RAPH1: variants seen among roughly 807,000 people sequenced by gnomAD.
RAPH1 encodes Ras association (RalGDS/AF-6) and pleckstrin homology domains 1.
Under a neutral mutation model 88.1 loss-of-function variants are expected in RAPH1, and 18 were observed. That is an observed-to-expected ratio of 0.20 (90% CI 0.14 to 0.30). The LOEUF (loss-of-function observed/expected upper bound fraction) is 0.30, where lower values mean the gene tolerates loss of function less well. Ranked by LOEUF, RAPH1 falls within the 10% of genes least tolerant of loss-of-function variation. The pLI, the probability that RAPH1 is intolerant of heterozygous loss-of-function variation, is 1.00. For synonymous variants in RAPH1, 587 were observed against 559.0 expected (o/e 1.05, Z -0.71); for missense variants, 1,448 against 1,543.2 (o/e 0.94, Z 1.03).
At chr2:203,507,649 T>C (rs527514162) in intron 1 of RAPH1, among the ~76,000 whole-genome samples, 1 of 152,268 alleles carries the variant, frequency 6.6e-6, no homozygotes, top group African/African-American at 2.4e-5. Flanking sequence ...GGCCAACACT[T>C]TTCAATAATG....
intron 1 of RAPH1, among the ~76,000 whole-genome samples, chr2:203,502,588 G>A (rs139644567): frequency 0.046 from 7,054 of 152,180 alleles, 237 homozygotes; most frequent in Non-Finnish European, 0.069. Flanking sequence ...TTGGGAGGCC[G>A]AGGCGGGCGG....
At position 203,436,385 on chromosome 2, in the gene RAPH1, A is replaced by C. The variant is rs1270717962; in HGVS notation, c.*3052T>G. The C allele has an allele frequency of 6.6e-6, 1 of 152,070 alleles. No individual in the cohort carries two copies. Among genetic ancestry groups the C allele is most frequent in the Non-Finnish European group, 1.5e-5 (1 of 68,038 alleles). The allele number at this position is 152,070 out of a possible 1,614,324, so 9.4% of individuals were successfully genotyped here. A position where few individuals can be genotyped will look rare whatever the true frequency, so the allele number is the denominator to read the frequency against. On this transcript the variant is annotated 3_prime_UTR_variant, in exon 14 of 14. Transcript: ENST00000319170. ...AAGAATAGTTACTCTTCCCAAGAGAATTACAGCGTCTAAGGGGGGGAAAGA... is the reference window on the plus strand; with the variant it reads ...AAGAATAGTTACTCTTCCCAAGAGACTTACAGCGTCTAAGGGGGGGAAAGA...
intron 10 of RAPH1, among the ~76,000 whole-genome samples, chr2:203,453,991 A>G (rs1028124587): frequency 1.1e-4 from 16 of 152,182 alleles, no homozygotes; most frequent in Non-Finnish European, 2.4e-4. Flanking sequence ...AGGGAAAAAA[A>G]GAGACAAAAA....
At chr2:203,458,909 C>A (rs1461445299) in intron 7 of RAPH1, among the ~76,000 whole-genome samples, 1 of 152,040 alleles carries the variant, frequency 6.6e-6, no homozygotes, top group Non-Finnish European at 1.5e-5. Flanking sequence ...ACTACAGGCG[C>A]CCGACACCAC....
rs757909697 is a variant in RAPH1, at chr2:203,490,022, C to G, written c.294G>C (p.Gln98His). ...TTCCTGAACCAATGCTGCTGAGCTCCTGCTCTATAGAGCAAAGATCAGCCA... is the reference window on the plus strand; with the variant it reads ...TTCCTGAACCAATGCTGCTGAGCTCGTGCTCTATAGAGCAAAGATCAGCCA... ...ALMADLCSIE[Q>H]ELSSIGSGNS... Residue 98 changes from glutamine (Q) to histidine (H), a missense_variant, in exon 4 of 14, where the codon CAG becomes CAC. Physicochemically the swap from Gln to His is conservative, Grantham distance 24. Around this residue, in one of 2 missense-constraint regions of RAPH1, gnomAD observed 513 missense variants for 653.1 expected, o/e 0.79. Coordinates refer to ENST00000319170, the MANE Select transcript of RAPH1 (RefSeq NM_213589.3). The G allele has an allele frequency of 6.2e-7, 1 of 1,613,950 alleles. No homozygotes were observed.
chr2:203,445,038 G>A, intron 12 of RAPH1, 28 bp from the exon 13 acceptor site: 1 of 1,599,762 alleles, frequency 6.3e-7, no homozygotes, highest in African/African-American at 1.3e-5. Flanking sequence ...TTAAACATAG[G>A]TTTAAAAGAG....
intron 1 of RAPH1, among the ~76,000 whole-genome samples, chr2:203,511,602 T>C (rs1689344536): frequency 6.6e-6 from 1 of 152,192 alleles, no homozygotes; most frequent in African/African-American, 2.4e-5. Context: ...TATCGGTACA[T>C]TTGTCACAAT....
chr2:203,517,359 C>CA (rs71408943), intron 1 of RAPH1, among the ~76,000 whole-genome samples: 6,289 of 31,612 alleles, frequency 0.2, 814 homozygotes, highest in African/African-American at 0.35. Flanking sequence ...CTATGAGAGG[C>CA]AAAAAAAAAA....
At chr2:203,468,376 T>C (rs912690484) in intron 4 of RAPH1, among the ~76,000 whole-genome samples, 8 of 152,144 alleles carry the variant, frequency 5.3e-5, no homozygotes, top group Non-Finnish European at 1.0e-4. Context: ...CTCTCAAACA[T>C]GCCAAGCTCT....
chr2:203,448,105 C>T lies in RAPH1; in HGVS notation c.1513-26G>A, dbSNP rs889038120. The stretch of plus-strand genomic sequence containing the variant: ...CTAAAGAGAAGACAGGAAATGGTGA[C>T]ATCTAAACTTTACTGAGTATGATAC... On this transcript the variant is annotated intron_variant, in intron 11 of 13. Coordinates refer to ENST00000319170, the MANE Select transcript of RAPH1 (RefSeq NM_213589.3). This position sits in a 1 kb window ranked among gnomAD's most constrained non-coding sequence, Gnocchi z 4.1. 2 of 1,610,656 alleles carry T rather than the reference C, an allele frequency of 1.2e-6. No homozygotes were observed. The highest frequency in any genetic ancestry group is 1.7e-6 in the Non-Finnish European group (2 of 1,177,856).
chr2:203,495,015 C>G (rs1250118249), intron 2 of RAPH1: 1 of 453,482 alleles, frequency 2.2e-6, no homozygotes, highest in Non-Finnish European at 3.9e-6. Context: ...TGAACAGAGC[C>G]TCTCTCACAA....
chr2:203,439,285 C>T lies in RAPH1; in HGVS notation c.*152G>A, dbSNP rs1559437061. ...TACACACACTGTACAGCTGTGTGTACATGCACGTGTACACACACACATACA... is the reference window on the plus strand; with the variant it reads ...TACACACACTGTACAGCTGTGTGTATATGCACGTGTACACACACACATACA... On this transcript the variant is annotated 3_prime_UTR_variant, in exon 14 of 14. Coordinates refer to ENST00000319170, the MANE Select transcript of RAPH1 (RefSeq NM_213589.3). 4 of 646,124 alleles carry T rather than the reference C, an allele frequency of 6.2e-6. No homozygotes were observed. Among genetic ancestry groups the T allele is most frequent in the East Asian group, 2.6e-5 (1 of 37,754 alleles). 40.0% of individuals were successfully genotyped at this position (646,124 alleles called of 1,614,324 possible).
intron 4 of RAPH1, among the ~76,000 whole-genome samples, chr2:203,465,572 T>C (rs2098527810): frequency 6.6e-6 from 1 of 152,222 alleles, no homozygotes; most frequent in African/African-American, 2.4e-5. Flanking sequence ...TGTTATCACA[T>C]ATATTTGCCA....
At chr2:203,485,869 A>G (rs1687944055) in intron 4 of RAPH1, among the ~76,000 whole-genome samples, 1 of 152,172 alleles carries the variant, frequency 6.6e-6, no homozygotes, top group South Asian at 2.1e-4. Context: ...TCACAAAACT[A>G]TCTAGCCCAA....
At chr2:203,474,750 T>C (rs2098535906) in intron 4 of RAPH1, among the ~76,000 whole-genome samples, 1 of 152,202 alleles carries the variant, frequency 6.6e-6, no homozygotes, top group Non-Finnish European at 1.5e-5. Flanking sequence ...AGTGAAAACA[T>C]GAAATTAACG....
At chr2:203,499,968 A>G (rs188976350) in intron 1 of RAPH1, among the ~76,000 whole-genome samples, 60 of 152,246 alleles carry the variant, frequency 3.9e-4, no homozygotes, top group South Asian at 1.7e-3. Context: ...CCACATGAAC[A>G]TGCTCAGATA....
In RAPH1 at chr2:203,439,677, C is replaced by T; in HGVS notation, c.3513G>A (p.Arg1171=). 5.6e-6 allele frequency: 9 copies of T among 1,613,990 alleles called. No homozygotes were observed. Among genetic ancestry groups the T allele is most frequent in the Non-Finnish European group, 5.9e-6 (7 of 1,180,020 alleles). The part of the protein sequence containing the change: ...VQPGFLADLN[R]TLQRKSITRH... ...GAGTGATGGACTTTCGTTGCAGTGTCCTGTTGAGGTCAGCCAGGAATCCAG... is the reference window on the plus strand; with the variant it reads ...GAGTGATGGACTTTCGTTGCAGTGTTCTGTTGAGGTCAGCCAGGAATCCAG... The change falls in exon 14 of 14, where the codon AGG becomes AGA. Residue 1171 remains arginine (R), a synonymous_variant. Transcript: ENST00000319170.
chr2:203,455,595 T>C lies in RAPH1; in HGVS notation c.1159-15A>G, dbSNP rs1270090023. 1 of 1,610,128 alleles carries C rather than the reference T, an allele frequency of 6.2e-7. No individual in the cohort carries two copies. Among genetic ancestry groups the C allele is most frequent in the South Asian group, 1.1e-5 (1 of 90,342 alleles). ...CAAAAACATTCCTAAAATAACAAGA[T>C]TATTTGCAAAGACTTATGATCGTTG... On this transcript the variant is annotated splice_polypyrimidine_tract_variant and intron_variant, in intron 8 of 13. Coordinates refer to ENST00000319170, the MANE Select transcript of RAPH1 (RefSeq NM_213589.3).
rs1057149085 is a variant in RAPH1 at position 203,461,470 on chromosome 2, G to A, written c.811-62C>T. On this transcript the variant is annotated intron_variant, in intron 5 of 13. Coordinates refer to ENST00000319170, the MANE Select transcript of RAPH1 (RefSeq NM_213589.3). ...AAAATGGCATTCTAGGAAAGGCACT[G>A]ATCCAATATCAAATAAAATTTGGAT... is the stretch of plus-strand genomic sequence containing the variant. 7 of 1,222,416 alleles carry A rather than the reference G, an allele frequency of 5.7e-6. No homozygotes were observed. The Middle Eastern group carries it at 8.1e-4, about 141-fold the overall frequency. The allele number at this position is 1,222,416 out of a possible 1,614,324, so 75.7% of individuals were successfully genotyped here.
Sources: gnomAD v4.1 joint callset for allele counts (sites outside exome capture counted in the v4.1 genomes callset) on GRCh38, gnomAD v4.1.1 for gene constraint, gnomAD v4.1.1 regional missense constraint, Gnocchi (gnomAD v3.1) non-coding constraint, MANE v1.5 for transcripts, NCBI Gene and HGNC (gene_info 2026-07-23, HGNC 2026-07-21) for gene names.